The following C13orf46 variants were observed in gnomAD, a reference collection of about 807,000 sequenced individuals.
The protein encoded by C13orf46 is uncharacterized protein C13orf46.
chr13:113,931,924 C>T, the C13orf46 span, among the ~76,000 whole-genome samples: 1 of 149,440 alleles, frequency 6.7e-6, no homozygotes, highest in Admixed American at 6.7e-5. Context: ...TGGACATCCC[C>T]TCCCCCAGGC....
chr13:113,931,314 G>A, the C13orf46 span, among the ~76,000 whole-genome samples: 142 of 151,036 alleles, frequency 9.4e-4, no homozygotes, highest in African/African-American at 3.1e-3. Flanking sequence ...CTCACTTTGC[G>A]GTTGCTTCTG....
the C13orf46 span, among the ~76,000 whole-genome samples, chr13:113,948,468 C>G: frequency 6.6e-6 from 1 of 152,176 alleles, no homozygotes; most frequent in Admixed American, 6.6e-5. Flanking sequence ...TGCCTGGGAC[C>G]CTGTGTGAGC....
At chr13:113,927,674 G>A in the C13orf46 span, 1 of 398,592 alleles carries the variant, frequency 2.5e-6, no homozygotes, top group East Asian at 3.6e-5. Context: ...ATTAATAACT[G>A]TGACTAAGTT....
At chr13:113,949,849 G>T (rs2052482055), downstream of C13orf46, among the ~76,000 whole-genome samples, 2 of 143,062 alleles carry the variant, frequency 1.4e-5, no homozygotes, top group South Asian at 4.7e-4. Flanking sequence ...GTAGAGTGGG[G>T]TCATCATTCT....
At chr13:113,945,909 T>C in the C13orf46 span, among the ~76,000 whole-genome samples, 1 of 112,282 alleles carries the variant, frequency 8.9e-6, no homozygotes, top group African/African-American at 3.1e-5. Flanking sequence ...TTGAGGTCAG[T>C]GCATGTTTAG....
downstream of C13orf46, among the ~76,000 whole-genome samples, chr13:113,950,796 T>C (rs2052485621): frequency 6.6e-6 from 1 of 152,116 alleles, no homozygotes; most frequent in Non-Finnish European, 1.5e-5. Context: ...AGAGACTCCC[T>C]CCCGCTCCAG....
At chr13:113,940,185 G>A in the C13orf46 span, among the ~76,000 whole-genome samples, 1 of 152,238 alleles carries the variant, frequency 6.6e-6, no homozygotes, top group Non-Finnish European at 1.5e-5. Flanking sequence ...TACTACTGAA[G>A]AGGGGAAGGA....
chr13:113,970,911 G>A (rs1003529758), intron 1 of C13orf46, among the ~76,000 whole-genome samples: 13 of 152,098 alleles, frequency 8.5e-5, no homozygotes, highest in Admixed American at 8.5e-4. Flanking sequence ...GGCTTGCACC[G>A]AGCACACACT....
At chr13:113,945,969 C>T in the C13orf46 span, among the ~76,000 whole-genome samples, 2 of 152,164 alleles carry the variant, frequency 1.3e-5, no homozygotes, top group African/African-American at 4.8e-5. Flanking sequence ...CCACCGCCGC[C>T]CGTTCACTGT....
At chr13:113,939,721 C>T in the C13orf46 span, among the ~76,000 whole-genome samples, 804 of 152,338 alleles carry the variant, frequency 5.3e-3, 3 homozygotes, top group Middle Eastern at 0.014. Flanking sequence ...GTCACTCAGG[C>T]TCCCAGTGAC....
rs2052674674 is a variant in C13orf46, at chr13:113,968,733, C to T, written c.270G>A (p.Lys90=). 1 of 152,318 alleles carries T rather than the reference C, an allele frequency of 6.6e-6. No homozygotes were observed. Among genetic ancestry groups the T allele is most frequent in the Non-Finnish European group, 1.5e-5 (1 of 68,094 alleles). 9.4% of individuals were successfully genotyped at this position (152,318 alleles called of 1,614,324 possible). A position where few individuals can be genotyped will look rare whatever the true frequency, so the allele number is the denominator to read the frequency against. Residue 90 remains lysine (K), a synonymous_variant, in exon 3 of 7, where the codon AAG becomes AAA. Coordinates refer to ENST00000636427, the MANE Select transcript of C13orf46 (RefSeq NM_001365455.2). ...SCQKNLAQDK[K]ESFSTLGKLG... is the part of the protein sequence containing the mutation. ...GCTTCCCAAGGGTGCTGAAGCTTTC[C>T]TTCTTGTCTTGTGCTAGGTTTTTCT...
chr13:113,963,920 G>A (rs2052613137), intron 6 of C13orf46, among the ~76,000 whole-genome samples: 1 of 152,100 alleles, frequency 6.6e-6, no homozygotes, highest in South Asian at 2.1e-4. Context: ...GTGCTATCTC[G>A]GTTCACCGCA....
intron 6 of C13orf46, among the ~76,000 whole-genome samples, chr13:113,957,884 C>A (rs1234519661): frequency 7.3e-6 from 1 of 136,950 alleles, no homozygotes; most frequent in East Asian, 2.4e-4. Flanking sequence ...CCCTGCACTC[C>A]ATATGCACCC....
intron 6 of C13orf46, among the ~76,000 whole-genome samples, chr13:113,962,896 T>C (rs2138983840): frequency 6.6e-6 from 1 of 152,266 alleles, no homozygotes; most frequent in Non-Finnish European, 1.5e-5. Flanking sequence ...ACAACCCCAA[T>C]GTCCTAGTGA....
At chr13:113,969,710 C>T (rs964124842) in intron 2 of C13orf46, among the ~76,000 whole-genome samples, 3 of 152,148 alleles carry the variant, frequency 2.0e-5, no homozygotes, top group Non-Finnish European at 4.4e-5. Flanking sequence ...TAGAACGGGA[C>T]GCGAGGTGCA....
At chr13:113,970,060 AGTG>A (rs1458480453) in intron 2 of C13orf46, 108 bp downstream of exon 2, 2 of 151,988 alleles carry the variant, frequency 1.3e-5, no homozygotes. Flanking sequence ...TCCCCTTCTA[AGTG>A]TCTACCTTGA....
chr13:113,943,265 C>T, the C13orf46 span, among the ~76,000 whole-genome samples: 27 of 152,280 alleles, frequency 1.8e-4, no homozygotes, highest in African/African-American at 6.3e-4. Context: ...CAGAGAGTAG[C>T]TTGCTTTTAT....
At chr13:113,931,925 T>TCC in the C13orf46 span, among the ~76,000 whole-genome samples, 1 of 151,582 alleles carries the variant, frequency 6.6e-6, no homozygotes, top group Non-Finnish European at 1.5e-5. Flanking sequence ...GGACATCCCC[T>TCC]CCCCCAGGCT....
the C13orf46 span, among the ~76,000 whole-genome samples, chr13:113,946,119 G>A: frequency 7.2e-5 from 11 of 152,128 alleles, no homozygotes; most frequent in Non-Finnish European, 1.5e-4. Context: ...TATTGCTATT[G>A]TACGAGGTAT....
Sources: allele counts gnomAD v4.1 joint callset (sites outside exome capture counted in the v4.1 genomes callset), GRCh38; gene constraint gnomAD v4.1.1; transcripts MANE v1.5; gene names NCBI Gene and HGNC (gene_info 2026-07-23, HGNC 2026-07-21).